STK3: variants seen among roughly 807,000 people sequenced by gnomAD.
STK3 encodes serine/threonine-protein kinase 3.
Under a neutral mutation model 58.0 loss-of-function variants are expected in STK3, and 41 were observed. The observed-to-expected ratio is 0.71, with a 90% CI of 0.55 to 0.92. The LOEUF (loss-of-function observed/expected upper bound fraction) is 0.92, where lower values mean the gene tolerates loss of function less well. STK3 is among the 40% of genes least tolerant of loss of function. The pLI is 0.00. For missense variants in STK3, 479 were observed against 602.7 expected (o/e 0.79, Z 2.15); for synonymous variants, 170 against 191.0 (o/e 0.89, Z 0.91).
intron 8 of STK3, among the ~76,000 whole-genome samples, chr8:98,571,382 G>A (rs965538299): frequency 5.9e-5 from 9 of 152,078 alleles, no homozygotes; most frequent in African/African-American, 1.9e-4. Flanking sequence ...CAGGGGTAAG[G>A]GGAAAGAGGG....
At chr8:98,429,222 C>A (rs1818293485) in intron 3 of STK3, 1 of 1,614,056 alleles carries the variant, frequency 6.2e-7, no homozygotes, top group Non-Finnish European at 8.5e-7. Context: ...TAAGTTCTCC[C>A]ACTTTTACCG....
At chr8:98,694,912 T>A (rs186109076) in intron 6 of STK3, among the ~76,000 whole-genome samples, 45 of 152,354 alleles carry the variant, frequency 3.0e-4, no homozygotes, top group African/African-American at 1.1e-3. Flanking sequence ...CCTAGATCCC[T>A]GAAGAATCGC....
intron 4 of STK3, among the ~76,000 whole-genome samples, chr8:98,712,766 G>A (rs973838633): frequency 6.6e-6 from 1 of 152,172 alleles, no homozygotes; most frequent in Non-Finnish European, 1.5e-5. Context: ...ATTGAACTCA[G>A]CTGTGCACCA....
chr8:98,736,553 T>C (rs1038403633), intron 4 of STK3, among the ~76,000 whole-genome samples: 4 of 152,234 alleles, frequency 2.6e-5, no homozygotes, highest in African/African-American at 7.2e-5. Context: ...TGTAACTTAA[T>C]TGGACTTGCT....
At chr8:98,588,927 G>C (rs1480210607) in intron 7 of STK3, among the ~76,000 whole-genome samples, 1 of 141,722 alleles carries the variant, frequency 7.1e-6, no homozygotes, top group East Asian at 2.1e-4. Context: ...CGTAGTTCTC[G>C]AGCCTTGGTT....
intron 7 of STK3, among the ~76,000 whole-genome samples, chr8:98,590,175 G>C (rs568663824): frequency 6.6e-6 from 1 of 152,128 alleles, no homozygotes. Context: ...TCTCATTTCC[G>C]ACAAAAGAAA....
At chr8:98,643,162 G>T (rs958534185) in intron 6 of STK3, among the ~76,000 whole-genome samples, 1 of 152,176 alleles carries the variant, frequency 6.6e-6, no homozygotes, top group Non-Finnish European at 1.5e-5. Context: ...GGGAGATCAA[G>T]GCTGCAGTGA....
In STK3 at chr8:98,706,624, G is replaced by A; in HGVS notation, c.527C>T (p.Ala176Val). The change falls in exon 6 of 11, where the codon GCA becomes GTA. Residue 176 changes from alanine (A) to valine (V), a missense_variant. By Grantham distance (64) the Ala-to-Val change is moderately conservative (BLOSUM62 0). Coordinates refer to ENST00000419617, the MANE Select transcript of STK3 (RefSeq NM_006281.4). ...GVAGQLTDTM[A>V]KRNTVIGTPF... ...AGTTCCTATTACAGTATTGCGTTTT[G>A]CCATTGTATCCTGCAATAATGTTAC... The A allele has an allele frequency of 6.3e-7, 1 of 1,595,078 alleles. No individual in the cohort carries two copies. Among genetic ancestry groups the A allele is most frequent in the Non-Finnish European group, 8.5e-7 (1 of 1,172,262 alleles).
chr8:98,683,775 G>A (rs1322711276), intron 6 of STK3, among the ~76,000 whole-genome samples: 3 of 152,076 alleles, frequency 2.0e-5, no homozygotes, highest in Non-Finnish European at 4.4e-5. Flanking sequence ...ATCTACATTT[G>A]GTTCCAGGTT....
intron 1 of STK3, among the ~76,000 whole-genome samples, chr8:98,439,852 G>A (rs909514817): frequency 6.6e-6 from 1 of 152,190 alleles, no homozygotes; most frequent in Non-Finnish European, 1.5e-5. Flanking sequence ...TCACTGGCTG[G>A]ATCTCAAATG....
intron 3 of STK3, among the ~76,000 whole-genome samples, chr8:98,758,084 T>C (rs535155328): frequency 6.6e-6 from 1 of 152,204 alleles, no homozygotes; most frequent in Middle Eastern, 3.2e-3. Flanking sequence ...TACAGGCAAA[T>C]CTATAAGATA....
At chr8:98,814,516 T>G (rs1429952871) in intron 1 of STK3, among the ~76,000 whole-genome samples, 1 of 151,282 alleles carries the variant, frequency 6.6e-6, no homozygotes, top group African/African-American at 2.4e-5. Flanking sequence ...TAATTTTTTG[T>G]TTGTTGTAGA....
chr8:98,780,782 T>C (rs1832042108), intron 1 of STK3, among the ~76,000 whole-genome samples: 2 of 152,178 alleles, frequency 1.3e-5, no homozygotes, highest in Non-Finnish European at 2.9e-5. Flanking sequence ...AATATAATTT[T>C]TGGTGTCATC....
chr8:98,849,225 C>CAA (rs1013187542), intron 3 of STK3, among the ~76,000 whole-genome samples: 10 of 52,098 alleles, frequency 1.9e-4, no homozygotes, highest in African/African-American at 5.1e-4. Flanking sequence ...GACTCCATCT[C>CAA]AAAAAAAAAA....
intron 9 of STK3, among the ~76,000 whole-genome samples, chr8:98,543,159 G>A (rs1057087354): frequency 1.3e-5 from 2 of 150,582 alleles, no homozygotes; most frequent in African/African-American, 4.9e-5. Flanking sequence ...AGCAAAAGAA[G>A]CATAAATCCC....
At chr8:98,624,861 GA>G (rs200197045) in intron 6 of STK3, among the ~76,000 whole-genome samples, 6 of 144,962 alleles carry the variant, frequency 4.1e-5, no homozygotes, top group Admixed American at 1.4e-4. Context: ...TCTCAAAAAA[GA>G]AAAAAAAAAG....
intron 10 of STK3, among the ~76,000 whole-genome samples, chr8:98,500,119 T>C (rs904029774): frequency 1.3e-5 from 2 of 151,756 alleles, no homozygotes; most frequent in African/African-American, 4.8e-5. Context: ...GTCACAAGTG[T>C]CCTTAGAAGA....
At chr8:98,743,006 A>G (rs1187669432) in intron 4 of STK3, among the ~76,000 whole-genome samples, 2 of 152,182 alleles carry the variant, frequency 1.3e-5, no homozygotes, top group East Asian at 1.9e-4. Context: ...TAAAATACCT[A>G]GGAATCCAAC....
At chr8:98,453,146 G>A (rs1437070210), downstream of STK3, among the ~76,000 whole-genome samples, 1 of 94,382 alleles carries the variant, frequency 1.1e-5, no homozygotes, top group African/African-American at 4.4e-5. Context: ...GGAGCGCAGT[G>A]GTGTGATCTT....
Sources: gnomAD v4.1 joint callset for allele counts (sites outside exome capture counted in the v4.1 genomes callset) on GRCh38, gnomAD v4.1.1 for gene constraint, MANE v1.5 for transcripts, NCBI Gene and HGNC (gene_info 2026-07-23, HGNC 2026-07-21) for gene names.